KCND2: variants seen among roughly 807,000 people sequenced by gnomAD.
KCND2 encodes the protein potassium voltage-gated channel subfamily D member 2.
In KCND2, 16 loss-of-function variants were observed where a neutral mutation model predicts 54.4. The ratio of observed to expected loss-of-function variants is 0.29; its 90% CI spans 0.20 to 0.45. The LOEUF (loss-of-function observed/expected upper bound fraction) is 0.45, where lower values mean the gene tolerates loss of function less well. KCND2 is among the 20% of genes least tolerant of loss of function. The probability of loss-of-function intolerance (pLI) is 1.00; values close to 1 mark genes in which losing one functional copy is unlikely to be tolerated. For missense variants in KCND2, 486 were observed against 824.2 expected, an observed-to-expected ratio of 0.59 and a Z score of 5.02; for synonymous variants, 317 against 310.7, an observed-to-expected ratio of 1.02 and a Z score of -0.21.
chr7:120,730,037 A>G (rs901288451), intron 1 of KCND2, among the ~76,000 whole-genome samples: 3 of 152,198 alleles, frequency 2.0e-5, no homozygotes, highest in Admixed American at 6.6e-5. Context: ...AAAAGTAAAC[A>G]GTAAATAATG....
intron 1 of KCND2, among the ~76,000 whole-genome samples, chr7:120,370,045 A>G (rs1442130290): frequency 2.6e-5 from 4 of 152,022 alleles, no homozygotes; most frequent in African/African-American, 9.7e-5. Context: ...ACAACACAAA[A>G]GGATGGTCTG....
intron 1 of KCND2, among the ~76,000 whole-genome samples, chr7:120,641,004 G>A (rs936037776): frequency 6.6e-6 from 1 of 152,168 alleles, no homozygotes; most frequent in Admixed American, 6.6e-5. Flanking sequence ...CTGTGTTGAT[G>A]ATATAATTTG....
chr7:120,684,829 G>A (rs1792181598), intron 1 of KCND2, among the ~76,000 whole-genome samples: 1 of 152,134 alleles, frequency 6.6e-6, no homozygotes, highest in Non-Finnish European at 1.5e-5. Context: ...ATTGTGAACT[G>A]TGCATGTGAG....
chr7:120,642,577 AATAT>A (rs200503692), intron 1 of KCND2, among the ~76,000 whole-genome samples: 1 of 148,464 alleles, frequency 6.7e-6, no homozygotes, highest in Non-Finnish European at 1.5e-5. Flanking sequence ...AATAAAAAAA[AATAT>A]ATATATATAT....
intron 1 of KCND2, among the ~76,000 whole-genome samples, chr7:120,421,882 C>T (rs935413234): frequency 2.0e-5 from 3 of 152,068 alleles, no homozygotes; most frequent in Non-Finnish European, 2.9e-5. Context: ...GAAAAGTGTT[C>T]GGAGCTGGTG....
intron 1 of KCND2, among the ~76,000 whole-genome samples, chr7:120,394,686 G>A (rs1801127596): frequency 6.6e-6 from 1 of 151,896 alleles, no homozygotes; most frequent in African/African-American, 2.4e-5. Context: ...TTTCTCCCAT[G>A]GTTAGCTAGC....
At chr7:120,642,487 G>A (rs563826463) in intron 1 of KCND2, among the ~76,000 whole-genome samples, 16 of 151,428 alleles carry the variant, frequency 1.1e-4, no homozygotes, top group African/African-American at 2.2e-4. Context: ...ACTTGAACCC[G>A]GGAGGTGGGG....
chr7:120,585,123 A>G (rs538862412), intron 1 of KCND2, among the ~76,000 whole-genome samples: 1 of 152,080 alleles, frequency 6.6e-6, no homozygotes, highest in Non-Finnish European at 1.5e-5. Flanking sequence ...AGAGTTACCA[A>G]GTATAATAAA....
intron 1 of KCND2, among the ~76,000 whole-genome samples, chr7:120,662,014 A>G (rs2116560921): frequency 6.6e-6 from 1 of 152,254 alleles, no homozygotes; most frequent in African/African-American, 2.4e-5. Flanking sequence ...TTCCTTTTTC[A>G]ACCTATTATA....
At chr7:120,496,411 A>G (rs1802847688) in intron 1 of KCND2, among the ~76,000 whole-genome samples, 4 of 151,228 alleles carry the variant, frequency 2.6e-5, no homozygotes, top group Admixed American at 1.3e-4. Context: ...TTTTATATAT[A>G]TATAAAAATA....
intron 1 of KCND2, among the ~76,000 whole-genome samples, chr7:120,586,410 A>C (rs1476821677): frequency 6.6e-6 from 1 of 152,180 alleles, no homozygotes; most frequent in Non-Finnish European, 1.5e-5. Flanking sequence ...GTCACACATA[A>C]AATTCATCAA....
chr7:120,662,362 C>A (rs1791876309), intron 1 of KCND2, among the ~76,000 whole-genome samples: 1 of 152,102 alleles, frequency 6.6e-6, no homozygotes, highest in African/African-American at 2.4e-5. Context: ...TAAAAAAAAT[C>A]TCATTATAAC....
chr7:120,379,124 A>G (rs2116021011), intron 1 of KCND2, among the ~76,000 whole-genome samples: 1 of 152,196 alleles, frequency 6.6e-6, no homozygotes, highest in African/African-American at 2.4e-5. Flanking sequence ...AAATGATTCT[A>G]ACATACATCA....
chr7:120,715,662 C>G (rs778370795), intron 1 of KCND2, among the ~76,000 whole-genome samples: 44 of 152,116 alleles, frequency 2.9e-4, no homozygotes, highest in Non-Finnish European at 1.3e-4. Context: ...CACTACTGAA[C>G]AGTACATCAC....
chr7:120,714,552 T>C (rs1404639304), intron 1 of KCND2, among the ~76,000 whole-genome samples: 1 of 152,116 alleles, frequency 6.6e-6, no homozygotes. Flanking sequence ...ACATCAGCAC[T>C]ATTCAGATAT....
intron 1 of KCND2, among the ~76,000 whole-genome samples, chr7:120,702,865 G>C (rs1792420801): frequency 6.6e-6 from 1 of 151,882 alleles, no homozygotes; most frequent in African/African-American, 2.4e-5. Context: ...AAAATAATCT[G>C]TACAATAACC....
intron 1 of KCND2, among the ~76,000 whole-genome samples, chr7:120,294,134 C>T (rs755251991): frequency 1.9e-4 from 29 of 152,074 alleles, no homozygotes; most frequent in Middle Eastern, 6.8e-3. Context: ...GTGGGTAGAT[C>T]ATGGAGGCTT....
chr7:120,280,631 C>G (rs1411383821), intron 1 of KCND2, among the ~76,000 whole-genome samples: 2 of 151,938 alleles, frequency 1.3e-5, no homozygotes, highest in Non-Finnish European at 2.9e-5. Context: ...ATTACCTGAT[C>G]TCTACATTCC....
At chr7:120,390,718 G>T (rs62471548) in intron 1 of KCND2, among the ~76,000 whole-genome samples, 5,801 of 151,708 alleles carry the variant, frequency 0.038, 129 homozygotes, top group Non-Finnish European at 0.056. Context: ...GTTTATCTTT[G>T]TTCATCATTT....
Sources: allele counts gnomAD v4.1 joint callset (sites outside exome capture counted in the v4.1 genomes callset), GRCh38; gene constraint gnomAD v4.1.1; transcripts MANE v1.5; gene names NCBI Gene and HGNC (gene_info 2026-07-23, HGNC 2026-07-21).